The following ULK4 variants were observed in gnomAD, a reference collection of about 807,000 sequenced individuals.
ULK4 encodes unc-51 like kinase 4, also known as inactive serine/threonine-protein kinase ULK4.
In ULK4, 133 loss-of-function variants were observed where a neutral mutation model predicts 160.6. The observed-to-expected ratio is 0.83, with a 90% confidence interval of 0.72 to 0.96. The LOEUF (loss-of-function observed/expected upper bound fraction) is 0.96, where lower values mean the gene tolerates loss of function less well. ULK4 is among the 40% of genes least tolerant of loss of function. The pLI is 0.00. For synonymous variants in ULK4, 534 were observed against 539.8 expected, an observed-to-expected ratio of 0.99 and a Z score of 0.15; for missense variants, 1,580 against 1,499.5, an observed-to-expected ratio of 1.05 and a Z score of -0.89.
intron 34 of ULK4, among the ~76,000 whole-genome samples, chr3:41,420,480 T>TTTTTTTTTTC (rs1452400679): frequency 2.8e-4 from 32 of 116,162 alleles, no homozygotes; most frequent in African/African-American, 1.1e-3. Context: ...TCTTTCTTTT[T>TTTTTTTTTTC]TTTTTTTTTT....
In ULK4 at chr3:41,454,177, TAAAAAAA is replaced by T. The variant is rs776400442; in HGVS notation, c.3492+1313_3492+1319del. Among the ~76,000 whole-genome samples, 5 of 129,968 alleles carry T rather than the reference TAAAAAAA, an allele frequency of 3.8e-5. No individual in the cohort carries two copies. In the East Asian group the frequency reaches 6.5e-4, roughly 17 times the overall value. 85.3% of individuals were successfully genotyped at this position (129,968 alleles called of 152,430 possible). ...TGTACCCTAGAACTTAAAGTATAAT[TAAAAAAA>T]AAAAAAGAAAAAAGAAAAATTCCAT... is the stretch of plus-strand genomic sequence containing the variant. On this transcript the variant is annotated intron_variant, in intron 34 of 36. Transcript: ENST00000301831.
intron 21 of ULK4, among the ~76,000 whole-genome samples, chr3:41,788,280 G>A (rs749882842): frequency 6.6e-6 from 1 of 152,130 alleles, no homozygotes; most frequent in Non-Finnish European, 1.5e-5. Context: ...AAAATTTAAT[G>A]TGTTTCATTT....
intron 12 of ULK4, among the ~76,000 whole-genome samples, chr3:41,902,396 G>A (rs182020189): frequency 1.5e-3 from 224 of 152,110 alleles, no homozygotes; most frequent in African/African-American, 4.9e-3. Flanking sequence ...TGACCAACAT[G>A]GTGAAACACC....
intron 35 of ULK4, among the ~76,000 whole-genome samples, chr3:41,363,340 C>T (rs921549439): frequency 6.6e-6 from 1 of 152,202 alleles, no homozygotes; most frequent in Non-Finnish European, 1.5e-5. Context: ...TCATGAGCAG[C>T]TCTGTTGACT....
intron 31 of ULK4, among the ~76,000 whole-genome samples, chr3:41,602,495 C>T (rs2032161080): frequency 6.6e-6 from 1 of 152,132 alleles, no homozygotes; most frequent in African/African-American, 2.4e-5. Flanking sequence ...GTATTGAATC[C>T]TTATTCATGG....
chr3:41,511,397 T>C (rs2085572613), intron 32 of ULK4, among the ~76,000 whole-genome samples: 1 of 151,892 alleles, frequency 6.6e-6, no homozygotes, highest in African/African-American at 2.4e-5. Flanking sequence ...ATTAGTGAGA[T>C]TAACCAAGAA....
intron 32 of ULK4, among the ~76,000 whole-genome samples, chr3:41,478,501 T>C (rs1488840453): frequency 6.6e-6 from 1 of 152,198 alleles, no homozygotes; most frequent in Non-Finnish European, 1.5e-5. Context: ...GATTACTGTG[T>C]TGAATTATTC....
chr3:41,312,523 T>A (rs2080070513), intron 35 of ULK4, among the ~76,000 whole-genome samples: 1 of 152,142 alleles, frequency 6.6e-6, no homozygotes, highest in Non-Finnish European at 1.5e-5. Flanking sequence ...GGGCCAGGCC[T>A]GGTGTCTTAG....
chr3:41,710,667 G>A (rs777013475), intron 25 of ULK4, among the ~76,000 whole-genome samples: 4 of 151,936 alleles, frequency 2.6e-5, no homozygotes, highest in Admixed American at 6.6e-5. Context: ...GGTGGCACAC[G>A]CCTGTAATCC....
At chr3:41,460,077 T>A (rs1575252737) in intron 33 of ULK4, among the ~76,000 whole-genome samples, 2 of 152,110 alleles carry the variant, frequency 1.3e-5, no homozygotes, top group African/African-American at 4.8e-5. Context: ...TTATAAGAGA[T>A]GCTAAAAACA....
In ULK4 at chr3:41,681,649, T is replaced by C; in HGVS notation, c.2837A>G (p.Glu946Gly). ...CAACCGCAAGCTAAAGAGTCTCCAC[T>C]CCACTTGAAAGAAAAAAAAAATGCC... ...LVSLVQSQNV[E>G]WRLFSLRLLS... is the part of the protein sequence containing the mutation. The change falls in exon 29 of 37, where the codon GAG becomes GGG. Residue 946 changes from glutamate to glycine, a missense_variant. By Grantham distance (98) the Glu-to-Gly change is moderately conservative (BLOSUM62 -2). Coordinates refer to ENST00000301831, the MANE Select transcript of ULK4 (RefSeq NM_017886.4). The C allele has an allele frequency of 6.2e-7, 1 of 1,612,252 alleles. No individual in the cohort carries two copies. Among genetic ancestry groups the C allele is most frequent in the Non-Finnish European group, 8.5e-7 (1 of 1,179,600 alleles).
At chr3:41,859,544 C>T (rs2042448389) in intron 17 of ULK4, 4 of 543,026 alleles carry the variant, frequency 7.4e-6, no homozygotes, top group South Asian at 1.4e-5. Context: ...CCAACGAAGC[C>T]CCAGAACATG....
chr3:41,274,177 C>T (rs2079190130), intron 35 of ULK4, among the ~76,000 whole-genome samples: 1 of 152,092 alleles, frequency 6.6e-6, no homozygotes. Context: ...TGCCTGGTGT[C>T]CAGTGTCTTG....
At chr3:41,846,806 C>CAA (rs35308076) in intron 17 of ULK4, among the ~76,000 whole-genome samples, 5,075 of 98,904 alleles carry the variant, frequency 0.051, 295 homozygotes, top group East Asian at 0.18. Flanking sequence ...CTCTCTCTCT[C>CAA]AAAAAAAAAA....
chr3:41,390,734 G>A lies in ULK4; in HGVS notation c.3678+7345C>T, dbSNP rs147970514. ...TGATTTCACTGTGGTCTGAGAGACA[G>A]TTTGTTATAATTTCTGTTCTTTTAC... On this transcript the variant is annotated intron_variant, in intron 35 of 36. Coordinates refer to ENST00000301831, the MANE Select transcript of ULK4 (RefSeq NM_017886.4). Among the ~76,000 whole-genome samples, 1,019 of 152,266 alleles carry A rather than the reference G, an allele frequency of 6.7e-3. 4 individuals are homozygous for A. Among genetic ancestry groups the A allele is most frequent in the East Asian group, 0.015 (79 of 5,170 alleles).
chr3:41,774,696 C>G (rs1217359549), intron 21 of ULK4, among the ~76,000 whole-genome samples: 1 of 149,816 alleles, frequency 6.7e-6, no homozygotes, highest in African/African-American at 2.5e-5. Flanking sequence ...CTAGAAATAC[C>G]ATTTGACCCA....
chr3:41,303,743 G>C (rs2079843882), intron 35 of ULK4, among the ~76,000 whole-genome samples: 1 of 152,104 alleles, frequency 6.6e-6, no homozygotes, highest in Non-Finnish European at 1.5e-5. Context: ...GGTCACCTTG[G>C]GTAGCATGCC....
At chr3:41,616,053 T>C (rs1023996662) in intron 30 of ULK4, among the ~76,000 whole-genome samples, 6 of 152,184 alleles carry the variant, frequency 3.9e-5, no homozygotes, top group African/African-American at 1.4e-4. Flanking sequence ...CAACCCTCTC[T>C]GCACTGTTAA....
chr3:41,961,857 G>C (rs914985325), intron 1 of ULK4, 159 bp downstream of exon 1: 4 of 152,780 alleles, frequency 2.6e-5, no homozygotes, highest in Admixed American at 2.6e-4. Context: ...CGAGCGCAAA[G>C]CAGGGGAGCG....
Sources: gnomAD v4.1 joint callset for allele counts (sites outside exome capture counted in the v4.1 genomes callset) on GRCh38, gnomAD v4.1.1 for gene constraint, MANE v1.5 for transcripts, NCBI Gene and HGNC (gene_info 2026-07-23, HGNC 2026-07-21) for gene names.